The following CSMD2 variants were observed in gnomAD, a reference collection of about 807,000 sequenced individuals.
The protein encoded by CSMD2 is CUB and Sushi multiple domains 2.
CSMD2 carries 130 observed loss-of-function variants against 398.5 expected under a neutral mutation model. The observed-to-expected ratio is 0.33, with a 90% CI of 0.28 to 0.38. The LOEUF (loss-of-function observed/expected upper bound fraction) is 0.38, where lower values mean the gene tolerates loss of function less well. Ranked by LOEUF, CSMD2 falls within the 10% of genes least tolerant of loss-of-function variation. CSMD2 has a pLI of 1.00. For missense variants in CSMD2, 3,829 were observed against 4,764.9 expected, an observed-to-expected ratio of 0.80 and a Z score of 5.78; for synonymous variants, 1,828 against 1,908.5, an observed-to-expected ratio of 0.96 and a Z score of 1.10.
At chr1:33,911,448 A>G (rs1374732944) in intron 5 of CSMD2, among the ~76,000 whole-genome samples, 1 of 152,250 alleles carries the variant, frequency 6.6e-6, no homozygotes, top group African/African-American at 2.4e-5. Context: ...TAATAATTAA[A>G]GCAAGATCAT....
chr1:33,684,697 C>T (rs1388657056), intron 25 of CSMD2, among the ~76,000 whole-genome samples: 1 of 152,184 alleles, frequency 6.6e-6, no homozygotes, highest in Non-Finnish European at 1.5e-5. Flanking sequence ...TCATATCTTC[C>T]TCCCTTTCAC....
intron 2 of CSMD2, among the ~76,000 whole-genome samples, chr1:34,069,037 T>C (rs1174823715): frequency 6.6e-6 from 1 of 152,200 alleles, no homozygotes; most frequent in Non-Finnish European, 1.5e-5. Context: ...TAAAGATGGT[T>C]TGACCAGTTC....
In CSMD2 at chr1:33,518,423, G is replaced by A. The variant is rs1322980318; in HGVS notation, c.*53+1042C>T. On this transcript the variant is annotated intron_variant, in intron 70 of 70. Coordinates refer to ENST00000373381, the MANE Select transcript of CSMD2 (RefSeq NM_001281956.2). This position sits in a 1 kb window ranked among gnomAD's most constrained non-coding sequence, Gnocchi z 4.3. ...TGTGTGTGTGCATGACCGTGTACAC[G>A]TGTGGGTGTGTCTGCCCCCTGTCTA... Among the ~76,000 whole-genome samples the A allele has an allele frequency of 6.6e-6, 1 of 152,240 alleles. No individual in the cohort carries two copies. Among genetic ancestry groups the A allele is most frequent in the South Asian group, 2.1e-4 (1 of 4,822 alleles).
chr1:33,763,100 A>G (rs898148591), intron 13 of CSMD2, among the ~76,000 whole-genome samples: 2 of 152,182 alleles, frequency 1.3e-5, no homozygotes, highest in African/African-American at 4.8e-5. Context: ...CACCACATGT[A>G]TCACAACCCC....
At chr1:34,100,197 T>C (rs112301537) in intron 1 of CSMD2, among the ~76,000 whole-genome samples, 41 of 152,276 alleles carry the variant, frequency 2.7e-4, no homozygotes, top group African/African-American at 9.1e-4. Context: ...AAAAAGGCAA[T>C]GTGGACTTGT....
At chr1:34,045,158 C>T (rs1450882182) in intron 2 of CSMD2, among the ~76,000 whole-genome samples, 1 of 151,988 alleles carries the variant, frequency 6.6e-6, no homozygotes, top group African/African-American at 2.4e-5. Flanking sequence ...TGTGGAAAAT[C>T]TAGGCTTTTT....
intron 3 of CSMD2, among the ~76,000 whole-genome samples, chr1:33,976,012 A>G (rs958296575): frequency 2.6e-5 from 4 of 152,186 alleles, no homozygotes; most frequent in African/African-American, 9.7e-5. Context: ...TTTTAAGTTA[A>G]AAGTTATATC....
intron 3 of CSMD2, among the ~76,000 whole-genome samples, chr1:33,948,762 T>C (rs1447901031): frequency 2.0e-5 from 3 of 152,182 alleles, no homozygotes; most frequent in African/African-American, 7.2e-5. Flanking sequence ...GACACTTGTG[T>C]TTAAGCTCCT....
chr1:33,948,623 C>T (rs918557957), intron 3 of CSMD2, among the ~76,000 whole-genome samples: 1 of 152,216 alleles, frequency 6.6e-6, no homozygotes, highest in African/African-American at 2.4e-5. Flanking sequence ...AAGCCACGTC[C>T]ATCTCAAGAT....
chr1:33,855,525 C>T (rs950688474), intron 5 of CSMD2, among the ~76,000 whole-genome samples: 1 of 152,112 alleles, frequency 6.6e-6, no homozygotes, highest in African/African-American at 2.4e-5. Context: ...CCAACTTGCC[C>T]TTATTACTTT....
At chr1:33,708,991 G>A in intron 22 of CSMD2, 98 bp downstream of exon 22, 1 of 1,130,378 alleles carries the variant, frequency 8.8e-7, no homozygotes. Flanking sequence ...CAGGAAGGAA[G>A]GAGAAAGTTT....
chr1:33,699,481 G>A (rs1054279669), intron 23 of CSMD2, among the ~76,000 whole-genome samples: 3 of 152,182 alleles, frequency 2.0e-5, no homozygotes, highest in African/African-American at 7.2e-5. Context: ...TTACAACGGA[G>A]AGCATTGATT....
chr1:33,590,129 AG>A (rs1639330649), intron 44 of CSMD2, among the ~76,000 whole-genome samples: 1 of 86,594 alleles, frequency 1.2e-5, no homozygotes, highest in South Asian at 3.8e-4. Context: ...TTTTAAAACT[AG>A]GTTTTTTTTT....
intron 2 of CSMD2, among the ~76,000 whole-genome samples, chr1:34,058,167 T>C (rs1413024412): frequency 6.6e-6 from 1 of 152,042 alleles, no homozygotes; most frequent in Non-Finnish European, 1.5e-5. Flanking sequence ...CTGCATCACA[T>C]AGGAGCTGGG....
rs560835728 is a variant in CSMD2, at chr1:33,635,092, G to A, written c.5086+122C>T. ...CAGCACTCGGCCGTCCTTTTGGGGA[G>A]ACTGTTCTGCGATTCCCACAATGGG... On this transcript the variant is annotated intron_variant, in intron 31 of 70. Coordinates refer to ENST00000373381, the MANE Select transcript of CSMD2 (RefSeq NM_001281956.2). The surrounding 1 kb of genome is among the most constrained non-coding windows in gnomAD (Gnocchi z 5.0). 9.2e-6 allele frequency: 6 copies of A among 651,696 alleles called. No individual in the cohort carries two copies. The highest frequency in any genetic ancestry group is 4.6e-5 in the Admixed American group (2 of 43,290). 40.4% of individuals were successfully genotyped at this position (651,696 alleles called of 1,614,324 possible).
chr1:33,852,516 GC>G (rs1313513714), intron 5 of CSMD2, among the ~76,000 whole-genome samples: 1 of 152,102 alleles, frequency 6.6e-6, no homozygotes, highest in Non-Finnish European at 1.5e-5. Context: ...TTTTCCTGTT[GC>G]CCCACCTGGC....
chr1:33,825,408 AAG>A (rs1326291641), intron 7 of CSMD2, among the ~76,000 whole-genome samples: 1 of 152,228 alleles, frequency 6.6e-6, no homozygotes, highest in Non-Finnish European at 1.5e-5. Context: ...AAGGAAAATA[AAG>A]AGAGAAATGT....
chr1:33,700,138 A>G (rs2149118695), intron 23 of CSMD2, among the ~76,000 whole-genome samples: 1 of 151,898 alleles, frequency 6.6e-6, no homozygotes, highest in Middle Eastern at 3.4e-3. Context: ...CCTCCCAAGT[A>G]GCTGGGATTA....
At chr1:33,776,777 G>C (rs777446379) in intron 12 of CSMD2, among the ~76,000 whole-genome samples, 3 of 152,052 alleles carry the variant, frequency 2.0e-5, no homozygotes, top group Non-Finnish European at 2.9e-5. Flanking sequence ...TATCCAAGAG[G>C]CTTAGAATGA....
Sources: allele counts gnomAD v4.1 joint callset (sites outside exome capture counted in the v4.1 genomes callset), GRCh38; gene constraint gnomAD v4.1.1; non-coding constraint Gnocchi (gnomAD v3.1); transcripts MANE v1.5; gene names NCBI Gene and HGNC (gene_info 2026-07-23, HGNC 2026-07-21).